The following FAM135B variants were observed in gnomAD, a reference collection of about 807,000 sequenced individuals.
FAM135B encodes protein FAM135B.
A neutral mutation model predicts 127.7 loss-of-function variants in FAM135B; 43 were observed. The ratio of observed to expected loss-of-function variants is 0.34; its 90% CI spans 0.26 to 0.43. The LOEUF is 0.43. Ranked by LOEUF, FAM135B falls within the 20% of genes least tolerant of loss-of-function variation. The pLI is 1.00. For missense variants in FAM135B, 1,558 were observed against 1,725.6 expected, an observed-to-expected ratio of 0.90 and a Z score of 1.72; for synonymous variants, 670 against 665.1, an observed-to-expected ratio of 1.01 and a Z score of -0.11.
intron 2 of FAM135B, among the ~76,000 whole-genome samples, chr8:138,336,626 A>C (rs1828612857): frequency 6.6e-6 from 1 of 152,142 alleles, no homozygotes. Context: ...TAGCTTACCA[A>C]CCAAAAAAAG....
At chr8:138,166,774 C>T (rs1045947849) in intron 12 of FAM135B, among the ~76,000 whole-genome samples, 2 of 152,028 alleles carry the variant, frequency 1.3e-5, no homozygotes, top group African/African-American at 2.4e-5. Flanking sequence ...CGATGAGTGA[C>T]GGCAGTTGTA....
chr8:138,222,003 A>G (rs546591614), intron 7 of FAM135B, among the ~76,000 whole-genome samples: 1 of 152,368 alleles, frequency 6.6e-6, no homozygotes, highest in African/African-American at 2.4e-5. Context: ...AAACTAATTC[A>G]GAAACGGCAG....
At chr8:138,237,957 C>T (rs1432213497) in intron 7 of FAM135B, among the ~76,000 whole-genome samples, 1 of 152,164 alleles carries the variant, frequency 6.6e-6, no homozygotes, top group African/African-American at 2.4e-5. Flanking sequence ...CCAGCTGCCC[C>T]CAACTGGACC....
At chr8:138,161,685 AAAT>A (rs375125926) in intron 12 of FAM135B, among the ~76,000 whole-genome samples, 46 of 152,298 alleles carry the variant, frequency 3.0e-4, no homozygotes, top group African/African-American at 1.0e-3. Context: ...TGCAGCAAGG[AAAT>A]AACGGATCTC....
chr8:138,148,651 A>C lies in FAM135B; in HGVS notation c.3317T>G (p.Leu1106Arg). The C allele has an allele frequency of 6.2e-7, 1 of 1,607,746 alleles. No homozygotes were observed. The highest frequency in any genetic ancestry group is 8.5e-7 in the Non-Finnish European group (1 of 1,177,078). Residue 1106 changes from leucine to arginine, a missense_variant, in exon 14 of 20, where the codon CTG becomes CGG. By Grantham distance (102) the Leu-to-Arg change is moderately radical. Around this residue, in one of 5 missense-constraint regions of FAM135B, gnomAD observed 923 missense variants for 865.3 expected, o/e 1.07. Coordinates refer to ENST00000395297, the MANE Select transcript of FAM135B (RefSeq NM_015912.4). ...ACTGTACAGAAATCCTTCAATCTTC[A>C]GTTCTTTTTTAAATTTTTCTTTGGC... ...YQAKEKFKKELKIEGFLYSDL... is the reference protein window; with the variant it reads ...YQAKEKFKKERKIEGFLYSDL...
At chr8:138,161,590 G>A (rs553517417) in intron 12 of FAM135B, among the ~76,000 whole-genome samples, 24 of 152,290 alleles carry the variant, frequency 1.6e-4, no homozygotes, top group Admixed American at 2.6e-4. Context: ...ACTATTGAAT[G>A]TGACCATGAA....
At chr8:138,260,041 A>C (rs200438969) in intron 4 of FAM135B, among the ~76,000 whole-genome samples, 2 of 152,186 alleles carry the variant, frequency 1.3e-5, no homozygotes, top group Non-Finnish European at 1.5e-5. Flanking sequence ...GAACATGGGA[A>C]GTTTATCTTA....
chr8:138,496,419 C>T (rs931680878), intron 1 of FAM135B, among the ~76,000 whole-genome samples: 1 of 152,236 alleles, frequency 6.6e-6, no homozygotes, highest in East Asian at 1.9e-4. Context: ...CTGGGGGGAA[C>T]CCCTCATTAA....
intron 1 of FAM135B, among the ~76,000 whole-genome samples, chr8:138,456,491 A>G (rs1836784514): frequency 6.6e-6 from 1 of 152,098 alleles, no homozygotes; most frequent in Non-Finnish European, 1.5e-5. Context: ...CTTCAATATA[A>G]TCCATGCTCC....
intron 1 of FAM135B, among the ~76,000 whole-genome samples, chr8:138,445,154 A>G (rs1198165432): frequency 7.9e-5 from 12 of 152,336 alleles, no homozygotes; most frequent in Admixed American, 3.3e-4. Flanking sequence ...AATTGAGGCA[A>G]TAATTAATAG....
In FAM135B at chr8:138,338,870, A is replaced by G. The variant is rs377530832; in HGVS notation, c.78-27950T>C. On this transcript the variant is annotated intron_variant, in intron 2 of 19. Transcript: ENST00000395297. ...GACTTGGAACCAACCCAAATGTCCA[A>G]CAATGGTAGACTGGATTAAGAAAAT... Among the ~76,000 whole-genome samples, 194 of 152,268 alleles carry G rather than the reference A, an allele frequency of 1.3e-3. 2 individuals carry two copies. The East Asian group carries it at 0.019, about 15-fold the overall frequency.
chr8:138,143,239 A>G (rs2130629902), intron 15 of FAM135B, 130 bp from the exon 16 acceptor site: 1 of 613,312 alleles, frequency 1.6e-6, no homozygotes, highest in South Asian at 1.9e-5. Context: ...TGTTACGGCT[A>G]CAGGATAAGA....
intron 7 of FAM135B, among the ~76,000 whole-genome samples, chr8:138,202,575 C>G (rs894125326): frequency 6.6e-6 from 1 of 152,164 alleles, no homozygotes; most frequent in Admixed American, 6.5e-5. Context: ...TTCCCACTTA[C>G]TACCAATGTC....
chr8:138,196,406 T>A (rs1326964807), intron 8 of FAM135B, among the ~76,000 whole-genome samples: 1 of 152,180 alleles, frequency 6.6e-6, no homozygotes, highest in Non-Finnish European at 1.5e-5. Context: ...GTAAGAAGGC[T>A]CCAGATTCAA....
intron 1 of FAM135B, among the ~76,000 whole-genome samples, chr8:138,391,006 A>G (rs1443166361): frequency 6.6e-6 from 1 of 152,148 alleles, no homozygotes; most frequent in Non-Finnish European, 1.5e-5. Context: ...ATCGTCCAGG[A>G]AGCTACTTCC....
chr8:138,495,345 T>C (rs963094273), intron 1 of FAM135B, among the ~76,000 whole-genome samples: 2 of 152,190 alleles, frequency 1.3e-5, no homozygotes, highest in African/African-American at 4.8e-5. Context: ...CCATGTTTTC[T>C]GACCCTCCAA....
intron 2 of FAM135B, among the ~76,000 whole-genome samples, chr8:138,341,390 G>A (rs1057149874): frequency 6.6e-6 from 1 of 152,200 alleles, no homozygotes; most frequent in Admixed American, 6.5e-5. Context: ...AAAGTTGAAT[G>A]GTGGTTGCCA....
rs1222527874 is a variant in FAM135B at position 138,167,988 on chromosome 8, G to A, written c.1165C>T (p.Pro389Ser). The A allele has an allele frequency of 2.5e-6, 4 of 1,613,858 alleles. No homozygotes were observed. The highest frequency in any genetic ancestry group is 3.4e-6 in the Non-Finnish European group (4 of 1,179,954). The change falls in exon 12 of 20, where the codon CCC (proline) becomes TCC (serine). Residue 389 changes from proline to serine, a missense_variant. By Grantham distance (74) the Pro-to-Ser change is moderately conservative (BLOSUM62 -1). This residue lies in a region of FAM135B where 115 missense variants were observed against 171.1 expected (regional missense o/e 0.67). Transcript: ENST00000395297. The part of the protein sequence containing the change: ...IRNSEYLTSM[P>S]PLPAECLDID... Reference sequence around the variant, plus strand: ...TCCAGGCACTCTGCAGGCAGCGGGGGCATGCTAGTGAGGTACTCCGAGTTC... The same window carrying A: ...TCCAGGCACTCTGCAGGCAGCGGGGACATGCTAGTGAGGTACTCCGAGTTC...
At chr8:138,459,504 T>C (rs572187371) in intron 1 of FAM135B, 8 of 152,222 alleles carry the variant, frequency 5.3e-5, no homozygotes, top group Non-Finnish European at 1.5e-5. Flanking sequence ...AGCTCTCTAA[T>C]GCCTTATCAA....
Sources: gnomAD v4.1 joint callset for allele counts (sites outside exome capture counted in the v4.1 genomes callset) on GRCh38, gnomAD v4.1.1 for gene constraint, gnomAD v4.1.1 regional missense constraint, MANE v1.5 for transcripts, NCBI Gene and HGNC (gene_info 2026-07-23, HGNC 2026-07-21) for gene names.